The following DMD variants were observed in gnomAD, a reference collection of about 807,000 sequenced individuals.
The protein encoded by DMD is dystrophin, also known as mutant dystrophin.
Under a neutral mutation model 330.1 loss-of-function variants are expected in DMD, and 63 were observed. The observed-to-expected ratio is 0.19, with a 90% CI of 0.16 to 0.24. The LOEUF (loss-of-function observed/expected upper bound fraction) is 0.24. DMD is among the 10% of genes least tolerant of loss of function. The pLI is 1.00. For missense variants in DMD, 3,344 were observed against 2,684.1 expected (o/e 1.25, Z -5.43); for synonymous variants, 1,223 against 959.8 (o/e 1.27, Z -5.07).
intron 47 of DMD, among the ~76,000 whole-genome samples, chrX:31,879,987 C>T (rs1362698927): frequency 8.9e-6 from 1 of 111,960 alleles, no homozygotes; most frequent in Non-Finnish European, 1.9e-5. Flanking sequence ...AGAAAACAAA[C>T]ACATTCAATT....
At chrX:32,041,889 T>C (rs1237309933) in intron 44 of DMD, among the ~76,000 whole-genome samples, 1 of 106,769 alleles carries the variant, frequency 9.4e-6, no homozygotes, top group African/African-American at 3.4e-5. Context: ...TAACATTAAC[T>C]TTGGTGGGGG....
intron 43 of DMD, among the ~76,000 whole-genome samples, chrX:32,281,047 T>C (rs1476581875): frequency 8.9e-6 from 1 of 112,136 alleles, no homozygotes; most frequent in Non-Finnish European, 1.9e-5. Context: ...CTCATTTTTC[T>C]TCATGTAGCA....
In DMD at chrX:31,360,532, G is replaced by T. The variant is rs150062916; in HGVS notation, c.9085-11898C>A. 8.0e-5 allele frequency among the ~76,000 whole-genome samples: 9 copies of T among 112,508 alleles called. No individual in the cohort carries two copies. The East Asian group carries it at 2.0e-3, about 24-fold the overall frequency. On this transcript the variant is annotated intron_variant, in intron 60 of 78. Transcript: ENST00000357033. Reference sequence around the variant, plus strand: ...GTCAGAATGGTGTTTTAGGATGAATGAAAGCATGGAGAAAGCGAAGAGAGG... The same window carrying T: ...GTCAGAATGGTGTTTTAGGATGAATTAAAGCATGGAGAAAGCGAAGAGAGG...
chrX:32,624,302 G>A (rs1380690235), intron 11 of DMD, among the ~76,000 whole-genome samples: 1 of 111,641 alleles, frequency 9.0e-6, no homozygotes, highest in Non-Finnish European at 1.9e-5. Context: ...TATAGGGCAG[G>A]AGTTGGTCCT....
At chrX:33,236,472 C>T (rs2052486718) in intron 1 of DMD, among the ~76,000 whole-genome samples, 1 of 109,036 alleles carries the variant, frequency 9.2e-6, no homozygotes, top group Non-Finnish European at 1.9e-5. Flanking sequence ...ACCATGTTGG[C>T]CAGGCTGGTC....
At chrX:32,412,320 A>G (rs72468653) in intron 29 of DMD, 8,541 of 713,064 alleles carry the variant, frequency 0.012, 68 homozygotes, top group South Asian at 0.073. Flanking sequence ...TTCAAGACAG[A>G]TAATCTGCTT....
chrX:31,817,469 GT>G (rs1418413514), intron 50 of DMD, among the ~76,000 whole-genome samples: 4 of 104,631 alleles, frequency 3.8e-5, no homozygotes, highest in East Asian at 3.0e-4. Flanking sequence ...ACTACCTTTT[GT>G]TTTTTTTTTC....
chrX:31,750,141 T>G (rs2149119561), intron 51 of DMD, among the ~76,000 whole-genome samples: 1 of 110,474 alleles, frequency 9.1e-6, no homozygotes, highest in African/African-American at 3.3e-5. Context: ...AGAAGCTCTT[T>G]AGTTTAGTTA....
chrX:32,743,067 C>A (rs769832965), intron 7 of DMD, among the ~76,000 whole-genome samples: 6 of 111,298 alleles, frequency 5.4e-5, no homozygotes, highest in Non-Finnish European at 7.5e-5. Context: ...TTCCACCTGC[C>A]AGCTCCTGCA....
intron 4 of DMD, among the ~76,000 whole-genome samples, chrX:32,836,371 T>G (rs2079632896): frequency 9.0e-6 from 1 of 111,125 alleles, no homozygotes; most frequent in Non-Finnish European, 1.9e-5. Flanking sequence ...TGTATTTCTG[T>G]GTAAAACCCG....
Position 32,791,076 on chromosome X carries a change from G to C in DMD, c.649+18417C>G, listed in dbSNP as rs183913705. On this transcript the variant is annotated intron_variant, in intron 7 of 78. Coordinates refer to ENST00000357033, the MANE Select transcript of DMD (RefSeq NM_004006.3). ...CATCTGACTAGTCTTCCTGGGGCCT[G>C]AATTTGGGCCCACTCAAGCTTCCAC... is the stretch of plus-strand genomic sequence containing the variant. 4.0e-4 allele frequency among the ~76,000 whole-genome samples: 45 copies of C among 111,399 alleles called. No individual in the cohort carries two copies. The East Asian group carries it at 0.012, about 29-fold the overall frequency.
At chrX:32,637,174 G>C (rs982520091) in intron 11 of DMD, among the ~76,000 whole-genome samples, 1 of 111,228 alleles carries the variant, frequency 9.0e-6, no homozygotes, top group Non-Finnish European at 1.9e-5. Context: ...ATTATCTCTA[G>C]TAAGAATAGG....
Position 33,225,293 on chromosome X carries a change from G to C in DMD, c.7+113966C>G, listed in dbSNP as rs944322551. Among the ~76,000 whole-genome samples the C allele has an allele frequency of 4.5e-5, 5 of 111,907 alleles. No individual in the cohort carries two copies. The Admixed American group carries it at 4.8e-4, about 11-fold the overall frequency. ...AGGAAGAATGAAGTAAGAGGAATAA[G>C]TCTACCAGACTGAAGACTTATTAAA... On this transcript the variant is annotated intron_variant, in intron 1 of 17. Transcript: ENST00000288447.
chrX:31,205,066 T>C (rs2043933582), intron 66 of DMD, among the ~76,000 whole-genome samples: 1 of 112,208 alleles, frequency 8.9e-6, no homozygotes, highest in Non-Finnish European at 1.9e-5. Context: ...TACAGTAGAA[T>C]GGCAGTACCC....
chrX:32,783,365 CATAT>C (rs1300850933), intron 7 of DMD, among the ~76,000 whole-genome samples: 88 of 103,674 alleles, frequency 8.5e-4, no homozygotes, highest in African/African-American at 2.9e-3. Context: ...TATATACACA[CATAT>C]ATATACACAT....
intron 43 of DMD, among the ~76,000 whole-genome samples, chrX:32,236,113 A>G (rs2097186819): frequency 8.9e-6 from 1 of 112,187 alleles, no homozygotes; most frequent in Non-Finnish European, 1.9e-5. Flanking sequence ...AAAATCTTAC[A>G]TAATCATTTA....
intron 11 of DMD, among the ~76,000 whole-genome samples, chrX:32,619,985 A>T (rs1202594370): frequency 1.8e-5 from 2 of 111,384 alleles, no homozygotes; most frequent in Non-Finnish European, 3.8e-5. Flanking sequence ...AAAGTACCAC[A>T]ATCTCTGCTT....
intron 1 of DMD, among the ~76,000 whole-genome samples, chrX:33,303,440 T>A (rs1209769800): frequency 9.0e-6 from 1 of 111,518 alleles, no homozygotes; most frequent in Non-Finnish European, 1.9e-5. Context: ...AGAAGTTTTA[T>A]GTCTCCTAGA....
intron 62 of DMD, among the ~76,000 whole-genome samples, chrX:31,310,536 T>C (rs1366369606): frequency 9.7e-6 from 1 of 102,777 alleles, no homozygotes; most frequent in Non-Finnish European, 2.0e-5. Context: ...GATTTTTCTT[T>C]TCTTTCTTCT....
Sources: gnomAD v4.1 joint callset for allele counts (sites outside exome capture counted in the v4.1 genomes callset) on GRCh38, gnomAD v4.1.1 for gene constraint, MANE v1.5 for transcripts, NCBI Gene and HGNC (gene_info 2026-07-23, HGNC 2026-07-21) for gene names.